The following CSMD1 variants were observed in gnomAD, a reference collection of about 807,000 sequenced individuals.
CSMD1 encodes the protein CUB and sushi domain-containing protein 1.
In CSMD1, 213 loss-of-function variants were observed where a neutral mutation model predicts 417.5. That is an observed-to-expected ratio of 0.51 (90% CI 0.46 to 0.57). The LOEUF is 0.57. Ranked by LOEUF, CSMD1 falls within the 20% of genes least tolerant of loss-of-function variation. CSMD1 has a pLI of 0.00. For missense variants in CSMD1, 6,923 were observed against 4,529.7 expected (o/e 1.53, Z -15.17); for synonymous variants, 2,862 against 1,736.8 (o/e 1.65, Z -16.11).
chr8:3,715,261 G>C (rs1801761953), intron 6 of CSMD1, among the ~76,000 whole-genome samples: 1 of 152,116 alleles, frequency 6.6e-6, no homozygotes, highest in Non-Finnish European at 1.5e-5. Flanking sequence ...CCTATTCTCT[G>C]CTAATTATTG....
At chr8:4,739,950 G>C (rs962525105) in intron 1 of CSMD1, among the ~76,000 whole-genome samples, 1 of 152,060 alleles carries the variant, frequency 6.6e-6, no homozygotes, top group Non-Finnish European at 1.5e-5. Flanking sequence ...AAGCTCCATA[G>C]TCTGAGCTAG....
chr8:3,241,258 C>T (rs555843419), intron 26 of CSMD1, among the ~76,000 whole-genome samples: 2 of 150,198 alleles, frequency 1.3e-5, no homozygotes, highest in African/African-American at 4.9e-5. Flanking sequence ...AAGCTGGCAC[C>T]AGAGTTGGGG....
intron 12 of CSMD1, among the ~76,000 whole-genome samples, chr8:3,428,583 T>C (rs1814004582): frequency 6.6e-6 from 1 of 152,146 alleles, no homozygotes; most frequent in African/African-American, 2.4e-5. Flanking sequence ...AGAAAAACTG[T>C]GTGTAAGAGT....
intron 2 of CSMD1, among the ~76,000 whole-genome samples, chr8:4,589,881 C>T (rs1799898135): frequency 6.6e-6 from 1 of 152,134 alleles, no homozygotes; most frequent in South Asian, 2.1e-4. Flanking sequence ...GAGCCTGATG[C>T]CACTGAGACC....
At chr8:3,499,214 A>G (rs1455935692) in intron 10 of CSMD1, among the ~76,000 whole-genome samples, 1 of 152,200 alleles carries the variant, frequency 6.6e-6, no homozygotes, top group Admixed American at 6.5e-5. Flanking sequence ...TGTATTCTGC[A>G]TGAGTACAGT....
chr8:3,464,922 A>C (rs1335532988), intron 12 of CSMD1, among the ~76,000 whole-genome samples: 1 of 151,788 alleles, frequency 6.6e-6, no homozygotes, highest in Non-Finnish European at 1.5e-5. Context: ...TAAACTTTGC[A>C]TTTTTTTCCC....
chr8:4,311,337 A>C (rs560585254), intron 3 of CSMD1, among the ~76,000 whole-genome samples: 1 of 152,372 alleles, frequency 6.6e-6, no homozygotes, highest in East Asian at 1.9e-4. Context: ...GAATGCGATC[A>C]AGTCCTTTGC....
chr8:4,178,447 A>G (rs372978897), intron 3 of CSMD1, among the ~76,000 whole-genome samples: 3 of 151,342 alleles, frequency 2.0e-5, no homozygotes, highest in Non-Finnish European at 2.9e-5. Context: ...AATAAGAGCT[A>G]TCTATAACAA....
chr8:4,103,327 T>G (rs1025346082), intron 3 of CSMD1, among the ~76,000 whole-genome samples: 3 of 151,484 alleles, frequency 2.0e-5, no homozygotes, highest in African/African-American at 7.3e-5. Flanking sequence ...TCATCAATAT[T>G]CTCCAGAGTA....
chr8:3,531,406 C>A (rs758384609), intron 10 of CSMD1, among the ~76,000 whole-genome samples: 46 of 152,102 alleles, frequency 3.0e-4, no homozygotes, highest in Non-Finnish European at 6.5e-4. Flanking sequence ...AATTATAAAA[C>A]ACAATAGTAA....
At chr8:4,087,083 C>T (rs555891718) in intron 3 of CSMD1, among the ~76,000 whole-genome samples, 5 of 152,220 alleles carry the variant, frequency 3.3e-5, no homozygotes, top group Non-Finnish European at 5.9e-5. Flanking sequence ...GTCATCCAAG[C>T]TTAGCCTTTC....
chr8:4,891,890 G>A (rs1300956075), intron 1 of CSMD1, among the ~76,000 whole-genome samples: 2 of 152,026 alleles, frequency 1.3e-5, no homozygotes, highest in African/African-American at 2.4e-5. Flanking sequence ...CACTGTATTA[G>A]ATTCTATTTT....
intron 2 of CSMD1, among the ~76,000 whole-genome samples, chr8:4,572,772 G>A (rs886621421): frequency 1.4e-4 from 21 of 152,104 alleles, no homozygotes; most frequent in African/African-American, 5.1e-4. Context: ...CATAGATTTG[G>A]TATTTTCACA....
At chr8:3,615,092 T>C (rs12056627) in intron 8 of CSMD1, among the ~76,000 whole-genome samples, 1 of 152,304 alleles carries the variant, frequency 6.6e-6, no homozygotes, top group East Asian at 1.9e-4. Context: ...TTTTCTAATA[T>C]GATACTGGAA....
At chr8:3,759,111 CATA>C (rs1457280327) in intron 5 of CSMD1, among the ~76,000 whole-genome samples, 1 of 152,174 alleles carries the variant, frequency 6.6e-6, no homozygotes, top group Non-Finnish European at 1.5e-5. Flanking sequence ...ATTTACTGAA[CATA>C]ATAAACACGT....
intron 6 of CSMD1, among the ~76,000 whole-genome samples, chr8:3,735,564 G>C (rs573957834): frequency 1.3e-5 from 2 of 152,300 alleles, no homozygotes; most frequent in East Asian, 1.9e-4. Flanking sequence ...GAAAATATGA[G>C]TCAGCATGAC....
intron 3 of CSMD1, among the ~76,000 whole-genome samples, chr8:4,045,573 G>A (rs1042603955): frequency 6.6e-6 from 1 of 152,174 alleles, no homozygotes; most frequent in Non-Finnish European, 1.5e-5. Flanking sequence ...GATGTGCAAT[G>A]CTTTAGAATG....
At chr8:3,966,758 CGCGCGCG>C (rs1812703325) in intron 5 of CSMD1, among the ~76,000 whole-genome samples, 1 of 53,196 alleles carries the variant, frequency 1.9e-5, no homozygotes, top group African/African-American at 8.1e-5. Flanking sequence ...CACACACGCG[CGCGCGCG>C]CACACACACT....
intron 3 of CSMD1, among the ~76,000 whole-genome samples, chr8:4,383,247 C>T (rs1045976663): frequency 2.0e-5 from 3 of 152,132 alleles, no homozygotes; most frequent in Non-Finnish European, 2.9e-5. Context: ...AGATTCTGAG[C>T]AGCATTGTCT....
Sources: gnomAD v4.1 joint callset for allele counts (sites outside exome capture counted in the v4.1 genomes callset) on GRCh38, gnomAD v4.1.1 for gene constraint, MANE v1.5 for transcripts, NCBI Gene and HGNC (gene_info 2026-07-23, HGNC 2026-07-21) for gene names.